VWF: variants seen among roughly 807,000 people sequenced by gnomAD.
VWF encodes Factor VIII related antigen.
In VWF, 176 loss-of-function variants were observed where a neutral mutation model predicts 308.6. That is an observed-to-expected ratio of 0.57 (90% CI 0.50 to 0.65). VWF has a LOEUF of 0.65. Ranked by LOEUF, VWF falls within the 30% of genes least tolerant of loss-of-function variation. The pLI, the probability that VWF is intolerant of heterozygous loss-of-function variation, is 0.00. For missense variants in VWF, 3,146 were observed against 3,648.2 expected (o/e 0.86, Z 3.55); for synonymous variants, 1,385 against 1,443.4 (o/e 0.96, Z 0.92).
chr12:6,083,937 T>C (rs141334257), intron 6 of VWF, among the ~76,000 whole-genome samples: 81 of 152,306 alleles, frequency 5.3e-4, no homozygotes, highest in Non-Finnish European at 9.8e-4. Context: ...AGCCGGCGTT[T>C]TGGTGCACAA....
Position 6,018,443 on chromosome 12 carries a change from G to T in VWF, c.4975C>A (p.Arg1659=), listed in dbSNP as rs61750595. The change falls in exon 28 of 52, where the codon CGA becomes AGA. Residue 1659 remains arginine, a synonymous_variant. Transcript: ENST00000261405. The part of the protein sequence containing the change: ...ILIQDFETLP[R]EAPDLVLQRC... ...TGCAGCACCAGGTCAGGAGCCTCTCGGGGGAGCGTCTCAAAGTCCTGGATG... is the reference window on the plus strand; with the variant it reads ...TGCAGCACCAGGTCAGGAGCCTCTCTGGGGAGCGTCTCAAAGTCCTGGATG... The T allele has an allele frequency of 1.2e-6, 2 of 1,612,998 alleles. No homozygotes were observed. Among genetic ancestry groups the T allele is most frequent in the African/African-American group, 1.3e-5 (1 of 74,876 alleles).
chr12:6,003,498 A>C (rs1943893941), intron 34 of VWF, among the ~76,000 whole-genome samples: 1 of 151,066 alleles, frequency 6.6e-6, no homozygotes, highest in African/African-American at 2.4e-5. Context: ...AACGGGAGTT[A>C]AAATGTTTCA....
intron 34 of VWF, among the ~76,000 whole-genome samples, chr12:6,001,696 G>A (rs1052717325): frequency 6.6e-6 from 1 of 152,122 alleles, no homozygotes; most frequent in Non-Finnish European, 1.5e-5. Flanking sequence ...ATGGGGAAAA[G>A]GTAAGTAAGA....
Position 5,981,902 on chromosome 12 carries a change from C to G in VWF, c.7171G>C (p.Glu2391Gln). ...ACACAGTTGCAGGCACACTCATACT[C>G]ATCACAGCACTGGGTCTTCCGAAGG... ...PTLRKTQCCD[E>Q]YECACNCVNS... Residue 2391 changes from glutamate to glutamine, a missense_variant, in exon 42 of 52, where the codon GAG (glutamate) becomes CAG (glutamine). By Grantham distance (29) the Glu-to-Gln change is conservative. Transcript: ENST00000261405. The G allele has an allele frequency of 1.3e-6, 2 of 1,564,196 alleles. No individual in the cohort carries two copies.
At chr12:6,092,542 CGT>C (rs1233015392) in intron 6 of VWF, among the ~76,000 whole-genome samples, 41 of 147,602 alleles carry the variant, frequency 2.8e-4, no homozygotes, top group Non-Finnish European at 5.2e-4. Context: ...TGTGCACGCG[CGT>C]GTGCCACCAT....
intron 47 of VWF, among the ~76,000 whole-genome samples, chr12:5,959,289 G>A (rs1038657983): frequency 2.0e-5 from 3 of 152,174 alleles, no homozygotes; most frequent in Admixed American, 6.5e-5. Flanking sequence ...GAATGCTTAA[G>A]AGGGATGCAT....
chr12:6,016,704 C>A (rs746747650), intron 29 of VWF, 48 bp from the exon 30 acceptor site: 14 of 1,614,136 alleles, frequency 8.7e-6, no homozygotes, highest in Non-Finnish European at 1.2e-5. Flanking sequence ...AGTAGAGCCA[C>A]AAAAAGAGCC....
chr12:6,122,936 A>G (rs775622979), intron 2 of VWF: 6 of 755,542 alleles, frequency 7.9e-6, no homozygotes, highest in African/African-American at 3.4e-5. Flanking sequence ...TAATTCCCCA[A>G]CAGGAGATGG....
intron 3 of VWF, among the ~76,000 whole-genome samples, chr12:6,113,398 C>T (rs949394777): frequency 6.6e-6 from 1 of 151,400 alleles, no homozygotes; most frequent in African/African-American, 2.4e-5. Flanking sequence ...CCCGGGTTCA[C>T]GCCATTCTCC....
At chr12:5,999,616 T>A in intron 34 of VWF, among the ~76,000 whole-genome samples, 1 of 151,992 alleles carries the variant, frequency 6.6e-6, no homozygotes, top group East Asian at 1.9e-4. Flanking sequence ...TAAAAGCTTC[T>A]TCAAAAGATC....
chr12:6,118,139 G>A (rs1460005436), intron 3 of VWF, among the ~76,000 whole-genome samples: 1 of 152,148 alleles, frequency 6.6e-6, no homozygotes, highest in Non-Finnish European at 1.5e-5. Flanking sequence ...GAGAGGTCTG[G>A]AGTTGGGCTC....
chr12:6,122,806 T>C (rs1212735893), intron 2 of VWF: 1 of 595,182 alleles, frequency 1.7e-6, no homozygotes, highest in South Asian at 1.4e-5. Context: ...CATGGGAGGT[T>C]CAACAAGGTG....
intron 24 of VWF, among the ~76,000 whole-genome samples, chr12:6,025,305 G>C (rs1250828528): frequency 6.6e-6 from 1 of 152,246 alleles, no homozygotes; most frequent in East Asian, 1.9e-4. Context: ...CAAATCCTAA[G>C]ACTGGGGCTG....
intron 32 of VWF, 87 bp from the exon 33 acceptor site, chr12:6,012,217 C>T (rs1413028623): frequency 6.9e-6 from 10 of 1,446,814 alleles, no homozygotes; most frequent in Non-Finnish European, 9.7e-6. Context: ...GCAACCTGGT[C>T]TAGTTTTTGA....
chr12:5,990,096 G>A (rs1016976272), intron 38 of VWF, among the ~76,000 whole-genome samples: 7 of 152,150 alleles, frequency 4.6e-5, no homozygotes, highest in Non-Finnish European at 1.0e-4. Context: ...TCTATTCCAC[G>A]GTGAGGACAA....
chr12:6,106,435 G>A (rs577402168), intron 5 of VWF, among the ~76,000 whole-genome samples: 1 of 152,258 alleles, frequency 6.6e-6, no homozygotes, highest in East Asian at 1.9e-4. Context: ...GAGCCCAGAG[G>A]GAAGAATGGG....
chr12:5,974,251 C>T (rs150903726), intron 43 of VWF, among the ~76,000 whole-genome samples: 2 of 152,124 alleles, frequency 1.3e-5, no homozygotes, highest in East Asian at 1.9e-4. Context: ...CAGTACAGAT[C>T]GAAGCCCAGC....
intron 3 of VWF, among the ~76,000 whole-genome samples, chr12:6,115,883 T>C (rs1396159600): frequency 6.6e-6 from 1 of 152,164 alleles, no homozygotes; most frequent in East Asian, 1.9e-4. Context: ...TGAGAACCCC[T>C]GGTTTCCACT....
At chr12:6,100,809 G>A (rs1160544362) in intron 5 of VWF, among the ~76,000 whole-genome samples, 3 of 152,068 alleles carry the variant, frequency 2.0e-5, no homozygotes, top group Non-Finnish European at 4.4e-5. Flanking sequence ...GAGTTAATGG[G>A]TGCAGCACAC....
Sources: gnomAD v4.1 joint callset for allele counts (sites outside exome capture counted in the v4.1 genomes callset) on GRCh38, gnomAD v4.1.1 for gene constraint, MANE v1.5 for transcripts, NCBI Gene and HGNC (gene_info 2026-07-23, HGNC 2026-07-21) for gene names.